KCNIP4: variants seen among roughly 807,000 people sequenced by gnomAD.
The protein encoded by KCNIP4 is potassium voltage-gated channel interacting protein 4, also known as Kv channel-interacting protein 4.
Under a neutral mutation model 34.0 loss-of-function variants are expected in KCNIP4, and 12 were observed. The ratio of observed to expected loss-of-function variants is 0.35; its 90% CI spans 0.23 to 0.57. KCNIP4 has a LOEUF of 0.57. Among genes scored for constraint, KCNIP4 ranks in the 20% least tolerant of loss-of-function variants. The pLI is 0.83. For missense variants in KCNIP4, 238 were observed against 311.7 expected (o/e 0.76, Z 1.78); for synonymous variants, 124 against 102.2 (o/e 1.21, Z -1.29).
At chr4:20,778,214 T>A (rs1263501148) in intron 3 of KCNIP4, among the ~76,000 whole-genome samples, 1 of 152,196 alleles carries the variant, frequency 6.6e-6, no homozygotes. Flanking sequence ...ACACTAGCTG[T>A]GTTTCTTAAA....
At chr4:21,709,636 AC>A (rs1200670528) in intron 1 of KCNIP4, among the ~76,000 whole-genome samples, 1 of 152,138 alleles carries the variant, frequency 6.6e-6, no homozygotes, top group South Asian at 2.1e-4. Context: ...AACAAAAAAA[AC>A]AGGTCTAAAT....
At chr4:21,048,884 GGA>G (rs143374842) in intron 1 of KCNIP4, among the ~76,000 whole-genome samples, 277 of 147,064 alleles carry the variant, frequency 1.9e-3, no homozygotes, top group Non-Finnish European at 1.9e-3. Context: ...GATGCTGCAT[GGA>G]GAGAGAGAGA....
intron 1 of KCNIP4, among the ~76,000 whole-genome samples, chr4:20,961,043 G>A (rs895623740): frequency 8.5e-5 from 13 of 152,068 alleles, no homozygotes; most frequent in African/African-American, 3.1e-4. Context: ...ATAACTTTCT[G>A]AATACTGAGG....
intron 1 of KCNIP4, among the ~76,000 whole-genome samples, chr4:21,574,956 T>C (rs540167675): frequency 7.2e-5 from 11 of 152,342 alleles, no homozygotes; most frequent in Non-Finnish European, 1.0e-4. Flanking sequence ...ACTTGTTATG[T>C]AGCTTTGCAT....
In KCNIP4 at chr4:21,917,257, C is replaced by T. The variant is rs565503839; in HGVS notation, c.61+31314G>A. On this transcript the variant is annotated intron_variant, in intron 1 of 8. Transcript: ENST00000382152. ...TCACACGATTCTCCTGCCTCAGCCTCCTGAATAGCTGGGATTACAGGCATA... is the reference window on the plus strand; with the variant it reads ...TCACACGATTCTCCTGCCTCAGCCTTCTGAATAGCTGGGATTACAGGCATA... Among the ~76,000 whole-genome samples the T allele has an allele frequency of 4.4e-4, 67 of 152,210 alleles. No homozygotes were observed. In the Middle Eastern group the frequency reaches 0.01, roughly 23 times the overall value.
At chr4:21,130,319 A>G (rs572561147) in intron 1 of KCNIP4, among the ~76,000 whole-genome samples, 1 of 152,272 alleles carries the variant, frequency 6.6e-6, no homozygotes, top group South Asian at 2.1e-4. Flanking sequence ...GCTGTGTTTG[A>G]GAATCACCGC....
chr4:21,644,460 T>C (rs1017434810), intron 1 of KCNIP4, among the ~76,000 whole-genome samples: 1 of 152,184 alleles, frequency 6.6e-6, no homozygotes, highest in African/African-American at 2.4e-5. Context: ...ACAAATTATA[T>C]AATCTTGGCA....
chr4:21,022,601 G>A (rs1182769606), intron 1 of KCNIP4, among the ~76,000 whole-genome samples: 4 of 152,148 alleles, frequency 2.6e-5, no homozygotes, highest in Non-Finnish European at 5.9e-5. Context: ...GAACATATGA[G>A]CAAGAAAATT....
chr4:21,004,345 T>G (rs959225799), intron 1 of KCNIP4, among the ~76,000 whole-genome samples: 1 of 152,186 alleles, frequency 6.6e-6, no homozygotes, highest in African/African-American at 2.4e-5. Flanking sequence ...ACTCCCAAAT[T>G]TCTAACTTGG....
At chr4:20,786,202 C>G (rs563606312) in intron 3 of KCNIP4, among the ~76,000 whole-genome samples, 1 of 151,992 alleles carries the variant, frequency 6.6e-6, no homozygotes, top group Admixed American at 6.6e-5. Flanking sequence ...GAACAGAAAA[C>G]CAAATACTGC....
At chr4:20,814,878 A>G (rs1385433233) in intron 3 of KCNIP4, among the ~76,000 whole-genome samples, 2 of 152,190 alleles carry the variant, frequency 1.3e-5, no homozygotes, top group South Asian at 2.1e-4. Context: ...GGCTGTAGAA[A>G]TATCAGTCTT....
chr4:21,418,026 A>G (rs1317047122), intron 1 of KCNIP4, among the ~76,000 whole-genome samples: 2 of 152,204 alleles, frequency 1.3e-5, no homozygotes, highest in Non-Finnish European at 2.9e-5. Context: ...AGAAACTCAA[A>G]TAGTAGAACA....
At chr4:21,270,058 G>A (rs867315768) in intron 1 of KCNIP4, among the ~76,000 whole-genome samples, 4 of 152,284 alleles carry the variant, frequency 2.6e-5, no homozygotes, top group Middle Eastern at 6.8e-3. Flanking sequence ...GGTATTTTGG[G>A]ATAAGAGCAT....
At chr4:20,771,680 T>G (rs984152563) in intron 3 of KCNIP4, among the ~76,000 whole-genome samples, 6 of 152,048 alleles carry the variant, frequency 3.9e-5, no homozygotes, top group Non-Finnish European at 1.5e-5. Context: ...CTCACTTTTT[T>G]TTTTTTTGAG....
Position 21,116,326 on chromosome 4 carries a change from G to A in KCNIP4, c.62-233617C>T, listed in dbSNP as rs532311012. 6.1e-4 allele frequency among the ~76,000 whole-genome samples: 93 copies of A among 152,270 alleles called. No homozygotes were observed. In the Middle Eastern group the frequency reaches 0.01, roughly 17 times the overall value. ...GGCAAAATTTGCTGTTGTTGTTGTG[G>A]CTTTCTTAGGCTGTTGGTTTCCTAA... On this transcript the variant is annotated intron_variant, in intron 1 of 8. Coordinates refer to ENST00000382152, the MANE Select transcript of KCNIP4 (RefSeq NM_025221.6).
chr4:21,329,013 T>C (rs1452620413), intron 1 of KCNIP4, among the ~76,000 whole-genome samples: 1 of 152,236 alleles, frequency 6.6e-6, no homozygotes, highest in Non-Finnish European at 1.5e-5. Context: ...AAAAACTGCA[T>C]TTCTTGAGAG....
chr4:21,248,092 G>A (rs555721985), intron 1 of KCNIP4, among the ~76,000 whole-genome samples: 2 of 146,440 alleles, frequency 1.4e-5, no homozygotes, highest in African/African-American at 5.2e-5. Flanking sequence ...TGCACAGCAT[G>A]AGTACACATG....
chr4:21,348,106 G>A (rs1236327717), intron 1 of KCNIP4, among the ~76,000 whole-genome samples: 1 of 152,136 alleles, frequency 6.6e-6, no homozygotes, highest in African/African-American at 2.4e-5. Context: ...AATGGAAAGG[G>A]GCAGTTATTC....
chr4:21,926,255 G>A (rs761258904), intron 1 of KCNIP4, among the ~76,000 whole-genome samples: 105 of 152,112 alleles, frequency 6.9e-4, no homozygotes, highest in African/African-American at 2.2e-3. Context: ...CTTTACAGGC[G>A]GAGACAAGTC....
Sources: allele counts gnomAD v4.1 joint callset (sites outside exome capture counted in the v4.1 genomes callset), GRCh38; gene constraint gnomAD v4.1.1; transcripts MANE v1.5; gene names NCBI Gene and HGNC (gene_info 2026-07-23, HGNC 2026-07-21).